Variants in FAM13A observed in about 807,000 individuals in gnomAD.
FAM13A encodes the protein family with sequence similarity 13 member A, also known as protein FAM13A.
In FAM13A, 76 loss-of-function variants were observed where a neutral mutation model predicts 129.6. The ratio of observed to expected loss-of-function variants is 0.59; its 90% CI spans 0.49 to 0.71. The LOEUF (loss-of-function observed/expected upper bound fraction) is 0.71. FAM13A is among the 30% of genes least tolerant of loss of function. The pLI, the probability that FAM13A is intolerant of heterozygous loss-of-function variation, is 0.00. For synonymous variants in FAM13A, 443 were observed against 449.9 expected, an observed-to-expected ratio of 0.98 and a Z score of 0.20; for missense variants, 1,108 against 1,249.3, an observed-to-expected ratio of 0.89 and a Z score of 1.70.
rs933645055 is a variant in FAM13A, at chr4:88,727,503, C to G, written c.*1030G>C. On this transcript the variant is annotated 3_prime_UTR_variant, in exon 24 of 24. Coordinates refer to ENST00000264344, the MANE Select transcript of FAM13A (RefSeq NM_014883.4). ...GCCTTGGGCTGAGCTCTGAGGGCTACATTTACCTGTCAGTTTGGGGATTTT... is the reference window on the plus strand; with the variant it reads ...GCCTTGGGCTGAGCTCTGAGGGCTAGATTTACCTGTCAGTTTGGGGATTTT... The G allele has an allele frequency of 2.6e-5, 4 of 152,494 alleles. No individual in the cohort carries two copies. The highest frequency in any genetic ancestry group is 5.9e-5 in the Non-Finnish European group (4 of 68,006). The allele number at this position is 152,494 out of a possible 1,614,324, so 9.4% of individuals were successfully genotyped here. A position where few individuals can be genotyped will look rare whatever the true frequency, so the allele number is the denominator to read the frequency against.
chr4:88,757,460 G>A (rs1344346316), intron 14 of FAM13A, among the ~76,000 whole-genome samples: 1 of 151,990 alleles, frequency 6.6e-6, no homozygotes, highest in African/African-American at 2.4e-5. Context: ...GGGGGCACAG[G>A]TTGTTTTTAA....
intron 7 of FAM13A, among the ~76,000 whole-genome samples, chr4:88,837,858 ATTTC>A (rs1267424138): frequency 5.3e-5 from 8 of 152,128 alleles, no homozygotes; most frequent in Non-Finnish European, 8.8e-5. Flanking sequence ...CATAAATGAA[ATTTC>A]TTTGTGTTCT....
chr4:89,019,493 G>T (rs1214577720), intron 3 of FAM13A, among the ~76,000 whole-genome samples: 1 of 152,098 alleles, frequency 6.6e-6, no homozygotes, highest in Non-Finnish European at 1.5e-5. Flanking sequence ...AGGTGCAGTG[G>T]TTCATGCCTG....
intron 6 of FAM13A, among the ~76,000 whole-genome samples, chr4:88,877,417 C>T (rs1561229308): frequency 1.3e-5 from 2 of 152,162 alleles, no homozygotes; most frequent in Non-Finnish European, 2.9e-5. Flanking sequence ...TGAAATACAG[C>T]AGTCTGGGAA....
At chr4:88,872,899 C>T (rs560190309) in intron 6 of FAM13A, among the ~76,000 whole-genome samples, 2 of 152,296 alleles carry the variant, frequency 1.3e-5, no homozygotes, top group South Asian at 4.1e-4. Flanking sequence ...GTAAAGCACT[C>T]CTCAGCAAAT....
At chr4:89,010,570 T>G (rs1765601448) in intron 3 of FAM13A, among the ~76,000 whole-genome samples, 1 of 152,176 alleles carries the variant, frequency 6.6e-6, no homozygotes, top group Admixed American at 6.5e-5. Context: ...AAGAAAAGAT[T>G]TGAATAACTG....
intron 3 of FAM13A, among the ~76,000 whole-genome samples, chr4:88,995,403 T>C (rs1490025202): frequency 6.6e-6 from 1 of 152,090 alleles, no homozygotes; most frequent in Non-Finnish European, 1.5e-5. Context: ...AGACCCACCC[T>C]CAGTGTCTGG....
intron 3 of FAM13A, among the ~76,000 whole-genome samples, chr4:89,012,899 G>A (rs947871887): frequency 6.6e-5 from 10 of 152,002 alleles, no homozygotes; most frequent in African/African-American, 2.4e-4. Flanking sequence ...ATTGACTTGT[G>A]ACAGAATACC....
At chr4:88,858,376 G>A (rs1478954188) in intron 6 of FAM13A, among the ~76,000 whole-genome samples, 1 of 152,170 alleles carries the variant, frequency 6.6e-6, no homozygotes, top group African/African-American at 2.4e-5. Flanking sequence ...TAGGAATTAA[G>A]GTAGAAGACT....
At chr4:88,742,002 C>A (rs1432770928) in intron 19 of FAM13A, among the ~76,000 whole-genome samples, 1 of 152,152 alleles carries the variant, frequency 6.6e-6, no homozygotes, top group African/African-American at 2.4e-5. Context: ...GAATATGTTG[C>A]AGATGAGATT....
intron 11 of FAM13A, among the ~76,000 whole-genome samples, chr4:88,776,416 T>C (rs1470783864): frequency 6.6e-6 from 1 of 152,186 alleles, no homozygotes; most frequent in Non-Finnish European, 1.5e-5. Flanking sequence ...AATAATAATA[T>C]CTACCTATGG....
At position 89,020,682 on chromosome 4, in the gene FAM13A, A is replaced by C; in HGVS notation, c.218-13T>G. On this transcript the variant is annotated splice_polypyrimidine_tract_variant and intron_variant, in intron 2 of 23. Coordinates refer to ENST00000264344, the MANE Select transcript of FAM13A (RefSeq NM_014883.4). ...TCTTGGGTAAGTCCTGGAAGAGCAAAGTAGGCACAGAAAATAAATAGGTTT... is the reference window on the plus strand; with the variant it reads ...TCTTGGGTAAGTCCTGGAAGAGCAACGTAGGCACAGAAAATAAATAGGTTT... 6.3e-7 allele frequency: 1 copy of C among 1,579,294 alleles called. No homozygotes were observed. Among genetic ancestry groups the C allele is most frequent in the South Asian group, 1.1e-5 (1 of 90,382 alleles).
intron 7 of FAM13A, among the ~76,000 whole-genome samples, chr4:88,837,717 TCAA>T (rs1735070331): frequency 2.5e-5 from 1 of 39,284 alleles, no homozygotes; most frequent in Non-Finnish European, 4.2e-5. Context: ...AAACTCCGTC[TCAA>T]AAAAAAAAAA....
In FAM13A at chr4:88,989,011, C is replaced by T. The variant is rs150454957; in HGVS notation, c.605+1962G>A. Among the ~76,000 whole-genome samples, 674 of 152,032 alleles carry T rather than the reference C, an allele frequency of 4.4e-3. 5 individuals carry two copies. The highest frequency in any genetic ancestry group is 0.015 in the African/African-American group (614 of 41,470). On this transcript the variant is annotated intron_variant, in intron 4 of 23. Transcript: ENST00000264344. ...TCACTCGAGGTCAGGAGTTCGAGAC[C>T]AGCCTGGCCAACATGGTGAAACCCC...
rs912487185 is a variant in FAM13A, at chr4:88,959,135, C to A, written c.606-20894G>T. On this transcript the variant is annotated intron_variant, in intron 4 of 23. Transcript: ENST00000264344. ...CAAGCTCATAAGTGAAAGGGACATGCCTTGTCTCAGATGAGATTTTGGACT... is the reference window on the plus strand; with the variant it reads ...CAAGCTCATAAGTGAAAGGGACATGACTTGTCTCAGATGAGATTTTGGACT... 3.9e-5 allele frequency among the ~76,000 whole-genome samples: 6 copies of A among 152,216 alleles called. No homozygotes were observed. In the South Asian group the frequency reaches 1.2e-3, roughly 32 times the overall value.
intron 11 of FAM13A, among the ~76,000 whole-genome samples, chr4:88,777,378 G>A (rs142336857): frequency 1.1e-4 from 16 of 152,306 alleles, no homozygotes; most frequent in African/African-American, 3.8e-4. Flanking sequence ...ACAGAAGCGG[G>A]TTATTTCAGC....
At chr4:88,756,706 T>TA (rs985724996) in intron 14 of FAM13A, among the ~76,000 whole-genome samples, 3 of 152,126 alleles carry the variant, frequency 2.0e-5, no homozygotes, top group Non-Finnish European at 4.4e-5. Flanking sequence ...ATTTTAGCTA[T>TA]AAAAAAAGGT....
chr4:88,987,793 G>T (rs565574196), intron 4 of FAM13A, among the ~76,000 whole-genome samples: 218 of 127,168 alleles, frequency 1.7e-3, no homozygotes, highest in African/African-American at 6.2e-3. Context: ...AGTGAGCCAA[G>T]ATCGCGCCAC....
At chr4:88,845,180 A>G (rs923542808) in intron 7 of FAM13A, among the ~76,000 whole-genome samples, 3 of 149,548 alleles carry the variant, frequency 2.0e-5, no homozygotes, top group African/African-American at 5.1e-5. Flanking sequence ...TGTTGGAGAC[A>G]TTGAAAAAAA....
Sources: gnomAD v4.1 joint callset for allele counts (sites outside exome capture counted in the v4.1 genomes callset) on GRCh38, gnomAD v4.1.1 for gene constraint, MANE v1.5 for transcripts, NCBI Gene and HGNC (gene_info 2026-07-23, HGNC 2026-07-21) for gene names.